Variants in TRMT9B observed in about 807,000 individuals in gnomAD.
The protein encoded by TRMT9B is probable tRNA methyltransferase 9B.
In TRMT9B, 16 loss-of-function variants were observed where a neutral mutation model predicts 11.5. That is an observed-to-expected ratio of 1.39 (90% CI 0.94 to 2.11). The LOEUF is 2.11. TRMT9B is among the 30% of genes most tolerant of loss of function. The pLI, the probability that TRMT9B is intolerant of heterozygous loss-of-function variation, is 0.00. For missense variants in TRMT9B, 941 were observed against 553.8 expected, an observed-to-expected ratio of 1.70 and a Z score of -7.02; for synonymous variants, 274 against 192.4, an observed-to-expected ratio of 1.42 and a Z score of -3.51.
At position 13,026,581 on chromosome 8, in the gene TRMT9B, G is replaced by T. The variant is rs370663347; in HGVS notation, c.*4537G>T. On this transcript the variant is annotated 3_prime_UTR_variant, in exon 5 of 5. Transcript: ENST00000524591. The stretch of plus-strand genomic sequence containing the variant: ...GATTTTTGTTTTTAAAAAAAGCAAC[G>T]TTCATTAATTTATATGCAGTCCTCA... 6.6e-5 allele frequency: 11 copies of T among 167,156 alleles called. No homozygotes were observed. In the East Asian group the frequency reaches 2.1e-3, roughly 32 times the overall value. The allele number at this position is 167,156 out of a possible 1,614,324, so 10.4% of individuals were successfully genotyped here. A position where few individuals can be genotyped will look rare whatever the true frequency, so the allele number is the denominator to read the frequency against.
rs1023466910 is a variant in TRMT9B, at chr8:13,027,125, C to G, written c.*5081C>G. The stretch of plus-strand genomic sequence containing the variant: ...GAGGACTATTCAGATATTTCATTCA[C>G]TCCATTTGTTTACTAAGCCCTGCTG... On this transcript the variant is annotated 3_prime_UTR_variant, in exon 5 of 5. Transcript: ENST00000524591. The G allele has an allele frequency of 4.8e-5, 8 of 167,052 alleles. No homozygotes were observed. Among genetic ancestry groups the G allele is most frequent in the African/African-American group, 1.7e-4 (7 of 41,430 alleles). The allele number at this position is 167,052 out of a possible 1,614,324, so 10.3% of individuals were successfully genotyped here. A position where few individuals can be genotyped will look rare whatever the true frequency, so the allele number is the denominator to read the frequency against.
intron 1 of TRMT9B, among the ~76,000 whole-genome samples, chr8:12,949,321 T>A (rs939982119): frequency 2.0e-5 from 3 of 152,146 alleles, no homozygotes; most frequent in Non-Finnish European, 4.4e-5. Context: ...TAAACCCCCA[T>A]GTGTACACCC....
chr8:12,951,548 A>G (rs1034285618), intron 1 of TRMT9B: 1 of 152,010 alleles, frequency 6.6e-6, no homozygotes, highest in African/African-American at 2.4e-5. Context: ...CTTCCCGGGC[A>G]CGTTCGGGCG....
chr8:13,003,173 T>C (rs1233793112), intron 2 of TRMT9B, among the ~76,000 whole-genome samples: 3 of 152,156 alleles, frequency 2.0e-5, no homozygotes, highest in Non-Finnish European at 4.4e-5. Flanking sequence ...TACAGGACTA[T>C]GTGATCCCTG....
Position 13,021,216 on chromosome 8 carries a change from G to A in TRMT9B, c.537G>A (p.Arg179=). The A allele has an allele frequency of 6.2e-7, 1 of 1,613,878 alleles. No individual in the cohort carries two copies. Among genetic ancestry groups the A allele is most frequent in the Non-Finnish European group, 8.5e-7 (1 of 1,179,820 alleles). The part of the protein sequence containing the change: ...FSESSQSGRK[R]QCGYPERGHP... ...AGTCCAGCCAGTCTGGGAGGAAGAG[G>A]CAGTGTGGATACCCAGAAAGAGGCC... is the stretch of plus-strand genomic sequence containing the variant. The change falls in exon 5 of 5, where the codon AGG becomes AGA. Residue 179 remains arginine (R), a synonymous_variant. Transcript: ENST00000524591.
rs374952972 is a variant in TRMT9B, at chr8:12,983,047, C to G, written c.-199-7787C>G. Among the ~76,000 whole-genome samples the G allele has an allele frequency of 1.3e-3, 194 of 152,336 alleles. 3 individuals carry two copies. In the South Asian group the frequency reaches 0.039, roughly 31 times the overall value. On this transcript the variant is annotated intron_variant, in intron 1 of 4. Transcript: ENST00000524591. ...GGGGCCAAGAGCTGCGTGCATTACTCAGTGTGGTCTTTTGCTTATTTCCTG... is the reference window on the plus strand; with the variant it reads ...GGGGCCAAGAGCTGCGTGCATTACTGAGTGTGGTCTTTTGCTTATTTCCTG...
At chr8:13,016,431 A>T (rs1812721491) in intron 4 of TRMT9B, among the ~76,000 whole-genome samples, 1 of 149,236 alleles carries the variant, frequency 6.7e-6, no homozygotes, top group Non-Finnish European at 1.5e-5. Flanking sequence ...ATACTATGAG[A>T]AATTTCAATA....
intron 1 of TRMT9B, among the ~76,000 whole-genome samples, chr8:12,989,181 G>A (rs952216608): frequency 2.0e-5 from 3 of 152,048 alleles, no homozygotes; most frequent in Non-Finnish European, 4.4e-5. Flanking sequence ...GAAGGTTTAA[G>A]GTACAGACCT....
intron 1 of TRMT9B, chr8:12,952,337 G>A (rs1304402165): frequency 3.0e-6 from 1 of 329,848 alleles, no homozygotes. Context: ...CCCGGAGCCC[G>A]CGCCCGGGTC....
At chr8:12,991,979 C>G (rs912265355) in intron 2 of TRMT9B, among the ~76,000 whole-genome samples, 11 of 152,152 alleles carry the variant, frequency 7.2e-5, no homozygotes, top group African/African-American at 2.4e-4. Flanking sequence ...TCAGAAAACA[C>G]AAAATAAAAC....
At chr8:12,990,720 A>C in intron 1 of TRMT9B, 114 bp from the exon 2 acceptor site, 1 of 415,098 alleles carries the variant, frequency 2.4e-6, no homozygotes, top group South Asian at 3.1e-5. Flanking sequence ...ATTCTTTCTA[A>C]TCCCTACTTG....
intron 2 of TRMT9B, among the ~76,000 whole-genome samples, chr8:12,991,891 A>C (rs1807404179): frequency 6.6e-6 from 1 of 152,194 alleles, no homozygotes; most frequent in Admixed American, 6.5e-5. Context: ...AGATTGCGCC[A>C]CTGCACTCCA....
At chr8:13,018,553 A>T (rs989837799) in intron 4 of TRMT9B, among the ~76,000 whole-genome samples, 5 of 152,108 alleles carry the variant, frequency 3.3e-5, no homozygotes, top group Admixed American at 3.3e-4. Context: ...AAAATAGTCA[A>T]TTATCATTAT....
chr8:13,008,579 G>A (rs1456593004), intron 3 of TRMT9B, among the ~76,000 whole-genome samples: 1 of 152,186 alleles, frequency 6.6e-6, no homozygotes, highest in Non-Finnish European at 1.5e-5. Flanking sequence ...TGTAATTTAT[G>A]AGGATTAACT....
chr8:12,996,891 C>T (rs1253921757), intron 2 of TRMT9B, among the ~76,000 whole-genome samples: 1 of 152,094 alleles, frequency 6.6e-6, no homozygotes. Flanking sequence ...CAGCCTCTAT[C>T]CCACTTCTAA....
At chr8:12,973,893 C>G (rs1446594543) in intron 1 of TRMT9B, among the ~76,000 whole-genome samples, 1 of 152,154 alleles carries the variant, frequency 6.6e-6, no homozygotes, top group Non-Finnish European at 1.5e-5. Flanking sequence ...TATGCGGTGG[C>G]TCATACCTGT....
intron 3 of TRMT9B, among the ~76,000 whole-genome samples, chr8:13,008,190 A>T (rs1418965343): frequency 6.6e-6 from 1 of 152,248 alleles, no homozygotes; most frequent in Non-Finnish European, 1.5e-5. Context: ...CATTGGGCTC[A>T]CGGCCAGCAC....
intron 4 of TRMT9B, among the ~76,000 whole-genome samples, chr8:13,016,708 C>T (rs1487928868): frequency 2.0e-5 from 3 of 151,644 alleles, no homozygotes; most frequent in East Asian, 1.9e-4. Context: ...GAGCAATCAA[C>T]AATGCCCTTC....
rs1209514868 is a variant in TRMT9B at position 13,027,957 on chromosome 8, G to A, written c.*5913G>A. 6.0e-6 allele frequency: 1 copy of A among 166,922 alleles called. No individual in the cohort carries two copies. Among genetic ancestry groups the A allele is most frequent in the African/African-American group, 2.4e-5 (1 of 41,468 alleles). 10.3% of individuals were successfully genotyped at this position (166,922 alleles called of 1,614,324 possible). ...AACCTCAGTTATCTACAACACTGAG[G>A]TGCAAACATTTAAAAAGATCTCTCA... On this transcript the variant is annotated 3_prime_UTR_variant, in exon 5 of 5. Transcript: ENST00000524591.
Sources: gnomAD v4.1 joint callset for allele counts (sites outside exome capture counted in the v4.1 genomes callset) on GRCh38, gnomAD v4.1.1 for gene constraint, MANE v1.5 for transcripts, NCBI Gene and HGNC (gene_info 2026-07-23, HGNC 2026-07-21) for gene names.